Variants in DMXL1 observed in about 807,000 individuals in gnomAD.
DMXL1 encodes Dmx like 1.
A neutral mutation model predicts 319.2 loss-of-function variants in DMXL1; 99 were observed. The observed-to-expected ratio is 0.31, with a 90% CI of 0.26 to 0.37. DMXL1 has a LOEUF of 0.37. Among genes scored for constraint, DMXL1 ranks in the 10% least tolerant of loss-of-function variants. DMXL1 has a pLI of 1.00. For synonymous variants in DMXL1, 1,385 were observed against 1,235.2 expected (o/e 1.12, Z -2.54); for missense variants, 3,745 against 3,595.6 (o/e 1.04, Z -1.06).
rs1790066162 is a variant in DMXL1 at position 119,247,996 on chromosome 5, T to G, written c.*777T>G. 1 of 152,166 alleles carries G rather than the reference T, an allele frequency of 6.6e-6. No homozygotes were observed. Among genetic ancestry groups the G allele is most frequent in the Non-Finnish European group, 1.5e-5 (1 of 67,992 alleles). 9.4% of individuals were successfully genotyped at this position (152,166 alleles called of 1,614,324 possible). ...TCCCATCCTAATTTTCAAATAAGTT[T>G]CAAGGAGACTATCAGGATTATTATT... On this transcript the variant is annotated 3_prime_UTR_variant, in exon 44 of 44. Coordinates refer to ENST00000539542, the MANE Select transcript of DMXL1 (RefSeq NM_001290321.3).
Position 119,093,076 on chromosome 5 carries a change from T to C in DMXL1, c.88-4903T>C, listed in dbSNP as rs1172672042. Among the ~76,000 whole-genome samples the C allele has an allele frequency of 3.9e-5, 6 of 152,230 alleles. No homozygotes were observed. The East Asian group carries it at 7.7e-4, about 20-fold the overall frequency. The stretch of plus-strand genomic sequence containing the variant: ...ATTATGATTTTTACAAATTGAAGTT[T>C]TGTGGCAACCCTTTGTTGAGCAAAT... On this transcript the variant is annotated intron_variant, in intron 1 of 43. Transcript: ENST00000539542.
intron 9 of DMXL1, among the ~76,000 whole-genome samples, chr5:119,124,783 C>G (rs1457501627): frequency 6.6e-6 from 1 of 151,958 alleles, no homozygotes; most frequent in Non-Finnish European, 1.5e-5. Flanking sequence ...CCAGGCTGGT[C>G]TCGAGCTCCT....
intron 1 of DMXL1, among the ~76,000 whole-genome samples, chr5:119,095,277 A>T (rs1200192092): frequency 1.3e-5 from 2 of 152,238 alleles, no homozygotes; most frequent in East Asian, 3.8e-4. Flanking sequence ...CAGCAAAAGA[A>T]CAAGGGTAAT....
intron 13 of DMXL1, among the ~76,000 whole-genome samples, chr5:119,136,198 C>G (rs1345590925): frequency 1.3e-5 from 2 of 152,206 alleles, no homozygotes; most frequent in Admixed American, 6.5e-5. Flanking sequence ...CTCTAGAGAT[C>G]TGTGGAACTT....
At chr5:119,227,798 C>T (rs1434796507) in intron 38 of DMXL1, among the ~76,000 whole-genome samples, 22 of 152,168 alleles carry the variant, frequency 1.4e-4, no homozygotes, top group Non-Finnish European at 2.2e-4. Context: ...TGCTTTTACT[C>T]CTGGCAAGCT....
intron 33 of DMXL1, 51 bp downstream of exon 33, chr5:119,203,487 A>G: frequency 4.5e-6 from 5 of 1,099,916 alleles, no homozygotes; most frequent in South Asian, 1.7e-5. Context: ...AGTCTTTTAT[A>G]TTATCATGTA....
Position 119,149,903 on chromosome 5 carries a change from C to T in DMXL1, c.4076C>T (p.Ala1359Val). ...LVKCIAGEVV[A>V]LNEAESNHER... is the part of the protein sequence containing the mutation. Reference sequence around the variant, plus strand: ...AAGTGCATTGCTGGGGAAGTTGTGGCTCTGAATGAAGCTGAATCTAATCAT... The same window carrying T: ...AAGTGCATTGCTGGGGAAGTTGTGGTTCTGAATGAAGCTGAATCTAATCAT... The change falls in exon 18 of 44, where the codon GCT becomes GTT. Residue 1359 changes from alanine (A) to valine (V), a missense_variant. Physicochemically the swap from Ala to Val is moderately conservative, Grantham distance 64. Transcript: ENST00000539542. 6.2e-7 allele frequency: 1 copy of T among 1,613,886 alleles called. No individual in the cohort carries two copies. The highest frequency in any genetic ancestry group is 1.7e-4 in the Middle Eastern group (1 of 6,058).
chr5:119,241,976 TTTTG>T (rs561217973), intron 42 of DMXL1, among the ~76,000 whole-genome samples: 163 of 152,350 alleles, frequency 1.1e-3, no homozygotes, highest in Non-Finnish European at 2.1e-3. Context: ...CATACTGTAT[TTTTG>T]TTTACATTTC....
intron 1 of DMXL1, among the ~76,000 whole-genome samples, chr5:119,085,501 G>A (rs73242907): frequency 2.0e-5 from 3 of 152,012 alleles, no homozygotes; most frequent in African/African-American, 7.3e-5. Flanking sequence ...CACCATTGAT[G>A]TATAGAAATG....
intron 40 of DMXL1, among the ~76,000 whole-genome samples, chr5:119,237,858 G>A (rs542050062): frequency 3.3e-5 from 5 of 152,046 alleles, no homozygotes; most frequent in African/African-American, 2.4e-5. Flanking sequence ...TTAGGATTAT[G>A]CAGGCTTTTA....
chr5:119,093,131 G>T (rs973489429), intron 1 of DMXL1, among the ~76,000 whole-genome samples: 3 of 151,040 alleles, frequency 2.0e-5, no homozygotes, highest in South Asian at 4.3e-4. Context: ...AGTTGCATGC[G>T]CTCACTTTGT....
chr5:119,195,772 C>CT (rs1779505729), intron 30 of DMXL1, among the ~76,000 whole-genome samples: 1 of 152,054 alleles, frequency 6.6e-6, no homozygotes, highest in Non-Finnish European at 1.5e-5. Flanking sequence ...AAATTCAATC[C>CT]TTTAAGAAAT....
At chr5:119,086,812 G>A (rs997098014) in intron 1 of DMXL1, among the ~76,000 whole-genome samples, 2 of 151,916 alleles carry the variant, frequency 1.3e-5, no homozygotes, top group Non-Finnish European at 2.9e-5. Context: ...ATAGAATTCA[G>A]CAGTGAAGCC....
At chr5:119,230,507 C>T (rs1422868538) in intron 38 of DMXL1, among the ~76,000 whole-genome samples, 1 of 152,174 alleles carries the variant, frequency 6.6e-6, no homozygotes, top group Non-Finnish European at 1.5e-5. Flanking sequence ...CACAAACATA[C>T]AGGCAGAAGC....
At chr5:119,144,889 A>G (rs970371048) in intron 15 of DMXL1, among the ~76,000 whole-genome samples, 1 of 151,786 alleles carries the variant, frequency 6.6e-6, no homozygotes, top group South Asian at 2.1e-4. Flanking sequence ...TATTATTAAC[A>G]TATGAGAGCT....
chr5:119,201,723 A>G (rs78036057), intron 32 of DMXL1, among the ~76,000 whole-genome samples: 14 of 152,096 alleles, frequency 9.2e-5, no homozygotes, highest in African/African-American at 3.1e-4. Context: ...TTGGTATGCT[A>G]TTCATTACTG....
rs924504728 is a variant in DMXL1 at position 119,134,170 on chromosome 5, A to T, written c.2246A>T (p.Tyr749Phe). ...TGGCTGCCCACTCTTATACCCAGTT[A>T]TTGTCTGGGTAAGTATTCTGGTTTT... ...VAWLPTLIPS[Y>F]CLGAYCNSPS... The change falls in exon 12 of 44, where the codon TAT (tyrosine) becomes TTT (phenylalanine). Residue 749 changes from tyrosine to phenylalanine, a missense_variant. By Grantham distance (22) the Tyr-to-Phe change is conservative. This residue lies in a region of DMXL1 where 2,096 missense variants were observed against 1,985.4 expected (regional missense o/e 1.06). Transcript: ENST00000539542. The T allele has an allele frequency of 6.2e-7, 1 of 1,612,834 alleles. No individual in the cohort carries two copies. Among genetic ancestry groups the T allele is most frequent in the Non-Finnish European group, 8.5e-7 (1 of 1,179,622 alleles).
In DMXL1 at chr5:119,149,241, T is replaced by C. The variant is rs759989446; in HGVS notation, c.3414T>C (p.His1138=). 2 of 1,613,890 alleles carry C rather than the reference T, an allele frequency of 1.2e-6. No homozygotes were observed. The highest frequency in any genetic ancestry group is 2.2e-5 in the South Asian group (2 of 91,080). The change falls in exon 18 of 44, where the codon CAT becomes CAC. Residue 1138 remains histidine (H), a synonymous_variant. Transcript: ENST00000539542. ...AGAATATCACATCAAACACAAAGCA[T>C]TTAGTTCACTTAGATTGGATGTCTA... ...SKENITSNTK[H]LVHLDWMSRE...
chr5:119,075,736 CA>C (rs938898684), intron 1 of DMXL1, among the ~76,000 whole-genome samples: 2 of 146,546 alleles, frequency 1.4e-5, no homozygotes, highest in Non-Finnish European at 3.0e-5. Flanking sequence ...AAAAAAAAAA[CA>C]AAAAAAAATG....
Sources: allele counts gnomAD v4.1 joint callset (sites outside exome capture counted in the v4.1 genomes callset), GRCh38; gene constraint gnomAD v4.1.1; regional missense constraint gnomAD v4.1.1; transcripts MANE v1.5; gene names NCBI Gene and HGNC (gene_info 2026-07-23, HGNC 2026-07-21).